The following TUT4 variants were observed in gnomAD, a reference collection of about 807,000 sequenced individuals.
The protein encoded by TUT4 is terminal uridylyltransferase 4.
Under a neutral mutation model 192.2 loss-of-function variants are expected in TUT4, and 36 were observed. That is an observed-to-expected ratio of 0.19 (90% CI 0.14 to 0.25). The LOEUF is 0.25. TUT4 is among the 10% of genes least tolerant of loss of function. The pLI is 1.00. For synonymous variants in TUT4, 618 were observed against 666.0 expected (o/e 0.93, Z 1.11); for missense variants, 1,493 against 1,957.2 (o/e 0.76, Z 4.47).
chr1:52,536,389 A>C (rs2149584414), intron 1 of TUT4, among the ~76,000 whole-genome samples: 1 of 152,324 alleles, frequency 6.6e-6, no homozygotes, highest in South Asian at 2.1e-4. Context: ...CACACACAAA[A>C]TCAAAACAGG....
At chr1:52,474,411 ATCT>A (rs1191588227) in intron 13 of TUT4, among the ~76,000 whole-genome samples, 1 of 152,174 alleles carries the variant, frequency 6.6e-6, no homozygotes, top group Non-Finnish European at 1.5e-5. Flanking sequence ...CTCTAAAAAT[ATCT>A]TTAAAGTAGA....
chr1:52,436,764 T>G lies in TUT4; in HGVS notation c.4153A>C (p.Ser1385Arg). 6.2e-7 allele frequency: 1 copy of G among 1,613,394 alleles called. No homozygotes were observed. Among genetic ancestry groups the G allele is most frequent in the Non-Finnish European group, 8.5e-7 (1 of 1,180,012 alleles). The stretch of plus-strand genomic sequence containing the variant: ...GGCCTTTTCTATTTACCTGCCACAC[T>G]GCTATTCCTCTGACGGGCCAGCTTG... ...EVKLARQRNSSVAAAQLVRNL... is the reference protein window; with the variant it reads ...EVKLARQRNSRVAAAQLVRNL... The change falls in exon 26 of 30, where the codon AGT becomes CGT. Residue 1385 changes from serine (S) to arginine (R), a missense_variant. By Grantham distance (110) the Ser-to-Arg change is moderately radical. This residue lies in a region of TUT4 where 351 missense variants were observed against 397.8 expected (regional missense o/e 0.88). Transcript: ENST00000257177.
chr1:52,546,157 G>A (rs140409500), intron 1 of TUT4, among the ~76,000 whole-genome samples: 23 of 151,796 alleles, frequency 1.5e-4, no homozygotes, highest in African/African-American at 5.6e-4. Context: ...ATAAATAGAA[G>A]AAGAAGAATA....
intron 1 of TUT4, among the ~76,000 whole-genome samples, chr1:52,548,740 T>C (rs1688691382): frequency 1.3e-5 from 2 of 152,256 alleles, no homozygotes; most frequent in South Asian, 4.1e-4. Flanking sequence ...CAGATTGTTG[T>C]GTGGTTAACA....
chr1:52,463,846 C>T (rs947362384), intron 16 of TUT4: 23 of 1,236,082 alleles, frequency 1.9e-5, no homozygotes, highest in Non-Finnish European at 2.4e-5. Flanking sequence ...GGAAGGTCTG[C>T]TCCTGGCATC....
At chr1:52,541,208 TAAAAAA>T (rs548079594) in intron 1 of TUT4, among the ~76,000 whole-genome samples, 6 of 84,608 alleles carry the variant, frequency 7.1e-5, no homozygotes, top group Middle Eastern at 0.011. Context: ...GACTCTGTCT[TAAAAAA>T]AAAAAAAAAA....
At chr1:52,524,202 GA>G (rs1395840286) in intron 2 of TUT4, among the ~76,000 whole-genome samples, 1 of 152,072 alleles carries the variant, frequency 6.6e-6, no homozygotes, top group African/African-American at 2.4e-5. Context: ...TACTCAAAAG[GA>G]TTTTTTTAAA....
At chr1:52,506,709 TAC>T (rs1358749426) in intron 4 of TUT4, among the ~76,000 whole-genome samples, 1 of 152,204 alleles carries the variant, frequency 6.6e-6, no homozygotes, top group Non-Finnish European at 1.5e-5. Context: ...ACATCAAGAA[TAC>T]AGTTATATTA....
At chr1:52,453,645 T>C (rs940285007) in intron 20 of TUT4, among the ~76,000 whole-genome samples, 1 of 152,200 alleles carries the variant, frequency 6.6e-6, no homozygotes, top group Non-Finnish European at 1.5e-5. Flanking sequence ...AACTCAATGC[T>C]TTCCCTTGTA....
chr1:52,451,094 T>C (rs1410156881), intron 20 of TUT4, among the ~76,000 whole-genome samples: 1 of 151,862 alleles, frequency 6.6e-6, no homozygotes, highest in Non-Finnish European at 1.5e-5. Flanking sequence ...TGAAACCCCA[T>C]CTCTACTAAA....
intron 12 of TUT4, 75 bp downstream of exon 12, chr1:52,477,633 A>G (rs960493531): frequency 3.6e-6 from 5 of 1,399,414 alleles, no homozygotes; most frequent in Non-Finnish European, 4.9e-6. Flanking sequence ...AAGCCAAAGG[A>G]TTATTAACAC....
intron 8 of TUT4, 70 bp from the exon 9 acceptor site, chr1:52,489,105 G>T (rs1169959019): frequency 4.2e-6 from 6 of 1,438,112 alleles, no homozygotes; most frequent in Non-Finnish European, 4.6e-6. Flanking sequence ...AAATCCTGTG[G>T]CTATTTTCTT....
At position 52,481,547 on chromosome 1, in the gene TUT4, C is replaced by T. The variant is rs1366055630; in HGVS notation, c.1724G>A (p.Ser575Asn). Residue 575 changes from serine to asparagine, a missense_variant, in exon 11 of 30, where the codon AGT (serine) becomes AAT (asparagine). Around this residue, in one of 7 missense-constraint regions of TUT4, gnomAD observed 437 missense variants for 577.6 expected, o/e 0.76. Coordinates refer to ENST00000257177, the MANE Select transcript of TUT4 (RefSeq NM_001009881.3). ...AATTGAGTTTTTCTCAGTTGCACTACTTGAATTACATTCCCACTTCACAAA... is the reference window on the plus strand; with the variant it reads ...AATTGAGTTTTTCTCAGTTGCACTATTTGAATTACATTCCCACTTCACAAA... ...EKFVKWECNS[S>N]SATEKNSIAE... The T allele has an allele frequency of 1.2e-6, 2 of 1,613,784 alleles. No homozygotes were observed. Among genetic ancestry groups the T allele is most frequent in the Non-Finnish European group, 1.7e-6 (2 of 1,179,976 alleles).
intron 28 of TUT4, among the ~76,000 whole-genome samples, chr1:52,430,579 G>A (rs912332985): frequency 6.6e-6 from 1 of 152,112 alleles, no homozygotes; most frequent in Admixed American, 6.5e-5. Flanking sequence ...CACCATGCCC[G>A]GCCAACCTAC....
chr1:52,527,236 T>C (rs1321556037), intron 1 of TUT4, among the ~76,000 whole-genome samples: 3 of 152,172 alleles, frequency 2.0e-5, no homozygotes, highest in African/African-American at 7.2e-5. Context: ...TCAAATGAAT[T>C]CGCTGAAGTA....
At chr1:52,508,444 G>C (rs1156493359) in intron 4 of TUT4, among the ~76,000 whole-genome samples, 7 of 151,614 alleles carry the variant, frequency 4.6e-5, no homozygotes. Context: ...CTACTCCCTT[G>C]TCCCTGTTCT....
intron 7 of TUT4, among the ~76,000 whole-genome samples, chr1:52,492,895 G>C (rs1671531332): frequency 6.6e-6 from 1 of 152,098 alleles, no homozygotes; most frequent in African/African-American, 2.4e-5. Flanking sequence ...GATGCTTTAG[G>C]TGGGAAAAAA....
chr1:52,424,317 T>G, intron 29 of TUT4: 1 of 322,566 alleles, frequency 3.1e-6, no homozygotes. Flanking sequence ...CCCAGTTCTT[T>G]GCTCAAGAGA....
At chr1:52,520,540 C>T (rs558661521) in intron 2 of TUT4, among the ~76,000 whole-genome samples, 5 of 152,300 alleles carry the variant, frequency 3.3e-5, no homozygotes, top group South Asian at 2.1e-4. Flanking sequence ...AGACCCAAGA[C>T]TCTGCATTTT....
Sources: gnomAD v4.1 joint callset for allele counts (sites outside exome capture counted in the v4.1 genomes callset) on GRCh38, gnomAD v4.1.1 for gene constraint, gnomAD v4.1.1 regional missense constraint, MANE v1.5 for transcripts, NCBI Gene and HGNC (gene_info 2026-07-23, HGNC 2026-07-21) for gene names.